The following OCA2 variants were observed in gnomAD, a reference collection of about 807,000 sequenced individuals.
OCA2 encodes OCA2 melanosomal transmembrane protein.
OCA2 carries 77 observed loss-of-function variants against 100.2 expected under a neutral mutation model. The ratio of observed to expected loss-of-function variants is 0.77; its 90% confidence interval spans 0.64 to 0.93. OCA2 has a LOEUF of 0.93. Ranked by LOEUF, OCA2 falls within the 40% of genes least tolerant of loss-of-function variation. The probability of loss-of-function intolerance (pLI) is 0.00; values close to 1 mark genes in which losing one functional copy is unlikely to be tolerated. For synonymous variants in OCA2, 432 were observed against 439.2 expected, an observed-to-expected ratio of 0.98 and a Z score of 0.21; for missense variants, 1,062 against 1,089.1, an observed-to-expected ratio of 0.98 and a Z score of 0.35.
intron 23 of OCA2, among the ~76,000 whole-genome samples, chr15:27,843,874 G>A (rs28440932): frequency 0.081 from 12,292 of 152,172 alleles, 573 homozygotes; most frequent in African/African-American, 0.12. Context: ...TGCAGGGATC[G>A]CTGTCTCCAC....
At chr15:27,970,468 C>T (rs558705681) in intron 14 of OCA2, among the ~76,000 whole-genome samples, 2 of 152,282 alleles carry the variant, frequency 1.3e-5, no homozygotes, top group South Asian at 4.1e-4. Context: ...AGGAAAAACG[C>T]CCCAGCAGGC....
At chr15:27,851,777 A>G (rs113293394) in intron 21 of OCA2, among the ~76,000 whole-genome samples, 2 of 152,142 alleles carry the variant, frequency 1.3e-5, no homozygotes, top group African/African-American at 4.8e-5. Flanking sequence ...GAACATGGCC[A>G]TTAAAACAGA....
intron 19 of OCA2, chr15:27,896,419 C>T (rs1456559794): frequency 5.6e-6 from 4 of 711,966 alleles, no homozygotes; most frequent in African/African-American, 1.7e-5. Flanking sequence ...TAAAAGAAAG[C>T]TCATGCTGCT....
At chr15:28,083,682 AT>A (rs762368275) in intron 1 of OCA2, among the ~76,000 whole-genome samples, 1 of 152,126 alleles carries the variant, frequency 6.6e-6, no homozygotes, top group Non-Finnish European at 1.5e-5. Context: ...TAAAATTTAA[AT>A]TTTTTTATTT....
At chr15:27,972,598 A>G (rs964230436) in intron 14 of OCA2, among the ~76,000 whole-genome samples, 11 of 152,034 alleles carry the variant, frequency 7.2e-5, no homozygotes, top group African/African-American at 2.7e-4. Flanking sequence ...GTATTTCCTG[A>G]TGATTAGTGA....
At chr15:27,928,839 T>G (rs1257090455) in intron 18 of OCA2, among the ~76,000 whole-genome samples, 2 of 152,196 alleles carry the variant, frequency 1.3e-5, no homozygotes, top group Non-Finnish European at 2.9e-5. Context: ...ATGATTACAT[T>G]GGATCTACCT....
At chr15:27,719,458 C>T in the OCA2 span, among the ~76,000 whole-genome samples, 22 of 152,264 alleles carry the variant, frequency 1.4e-4, no homozygotes, top group East Asian at 9.7e-4. Context: ...TTTCAACATA[C>T]GAACTTGCGG....
At chr15:27,869,874 G>A (rs1158004654) in intron 21 of OCA2, among the ~76,000 whole-genome samples, 1 of 152,202 alleles carries the variant, frequency 6.6e-6, no homozygotes, top group Non-Finnish European at 1.5e-5. Context: ...GCAGGGAGAG[G>A]TGGAGCCAGC....
intron 4 of OCA2, 41 bp downstream of exon 4, chr15:28,027,830 G>T: frequency 6.2e-7 from 1 of 1,602,380 alleles, no homozygotes. Flanking sequence ...GCGATGTGCG[G>T]CCACCGCTGC....
chr15:27,923,869 T>A (rs373630856), intron 19 of OCA2, among the ~76,000 whole-genome samples: 112 of 152,336 alleles, frequency 7.4e-4, no homozygotes, highest in Middle Eastern at 3.4e-3. Context: ...GTTTAATAGA[T>A]CCCATTTGTC....
At chr15:28,040,719 A>G (rs1220301114) in intron 2 of OCA2, among the ~76,000 whole-genome samples, 1 of 152,208 alleles carries the variant, frequency 6.6e-6, no homozygotes, top group African/African-American at 2.4e-5. Flanking sequence ...GTATGCCCCA[A>G]AATTGGATAA....
the OCA2 span, among the ~76,000 whole-genome samples, chr15:27,719,427 C>T: frequency 6.6e-6 from 1 of 152,168 alleles, no homozygotes; most frequent in African/African-American, 2.4e-5. Context: ...TACCTAAATG[C>T]TTTCCCACTG....
intron 23 of OCA2, among the ~76,000 whole-genome samples, chr15:27,844,516 T>A (rs1258494692): frequency 1.3e-5 from 2 of 150,882 alleles, no homozygotes; most frequent in African/African-American, 4.9e-5. Flanking sequence ...ATCCCAGCAA[T>A]TTTTTTTTTC....
At chr15:27,867,294 T>C (rs574514208) in intron 21 of OCA2, among the ~76,000 whole-genome samples, 1 of 151,994 alleles carries the variant, frequency 6.6e-6, no homozygotes, top group African/African-American at 2.4e-5. Flanking sequence ...TCTAAAGAAG[T>C]CAGGAAATGA....
chr15:27,955,257 C>G, intron 16 of OCA2, 42 bp from the exon 17 acceptor site: 5 of 1,462,250 alleles, frequency 3.4e-6, no homozygotes, highest in Non-Finnish European at 4.8e-6. Context: ...CCTGGTCACG[C>G]TGCGTGGTGA....
intron 1 of OCA2, among the ~76,000 whole-genome samples, chr15:28,093,726 G>GCGGT (rs2044913556): frequency 6.6e-6 from 1 of 152,164 alleles, no homozygotes; most frequent in Non-Finnish European, 1.5e-5. Context: ...GAAATAGGCT[G>GCGGT]CGGTGCATGC....
intron 2 of OCA2, among the ~76,000 whole-genome samples, chr15:28,038,222 A>C (rs568191793): frequency 6.6e-6 from 1 of 152,262 alleles, no homozygotes. Context: ...TTTACCCCAA[A>C]AGCAACCACA....
At chr15:27,787,477 T>C (rs558028914) in intron 23 of OCA2, among the ~76,000 whole-genome samples, 3 of 152,206 alleles carry the variant, frequency 2.0e-5, no homozygotes, top group South Asian at 4.1e-4. Context: ...GTTTGGTAAA[T>C]TGTGACTTTC....
intron 23 of OCA2, among the ~76,000 whole-genome samples, chr15:27,764,908 T>C (rs2151006072): frequency 6.6e-6 from 1 of 152,330 alleles, no homozygotes; most frequent in South Asian, 2.1e-4. Context: ...GAGCAGCAGC[T>C]TGGGCTGCTG....
Sources: allele counts gnomAD v4.1 joint callset (sites outside exome capture counted in the v4.1 genomes callset), GRCh38; gene constraint gnomAD v4.1.1; transcripts MANE v1.5; gene names NCBI Gene and HGNC (gene_info 2026-07-23, HGNC 2026-07-21).